Variants in ASIC2 observed in about 807,000 individuals in gnomAD.
ASIC2 encodes acid-sensing ion channel 2.
Under a neutral mutation model 57.3 loss-of-function variants are expected in ASIC2, and 25 were observed. The ratio of observed to expected loss-of-function variants is 0.44; its 90% confidence interval spans 0.32 to 0.61. The LOEUF (loss-of-function observed/expected upper bound fraction) is 0.61. Ranked by LOEUF, ASIC2 falls within the 20% of genes least tolerant of loss-of-function variation. The pLI, the probability that ASIC2 is intolerant of heterozygous loss-of-function variation, is 0.06. For synonymous variants in ASIC2, 319 were observed against 307.5 expected (o/e 1.04, Z -0.39); for missense variants, 641 against 738.1 (o/e 0.87, Z 1.52).
intron 1 of ASIC2, among the ~76,000 whole-genome samples, chr17:33,148,908 A>G (rs189627181): frequency 1.3e-5 from 2 of 152,298 alleles, no homozygotes; most frequent in Admixed American, 6.5e-5. Context: ...AGCCTGGCCA[A>G]CGTGGTGAAA....
intron 1 of ASIC2, among the ~76,000 whole-genome samples, chr17:34,064,470 A>G (rs984779202): frequency 1.3e-5 from 2 of 152,218 alleles, no homozygotes; most frequent in African/African-American, 4.8e-5. Context: ...GGCTTAGTCA[A>G]GGATTTCATG....
At chr17:33,042,764 G>A (rs2091934576) in intron 3 of ASIC2, among the ~76,000 whole-genome samples, 1 of 152,198 alleles carries the variant, frequency 6.6e-6, no homozygotes, top group African/African-American at 2.4e-5. Flanking sequence ...GCAGGGTGGA[G>A]TCCACAGGAA....
chr17:33,939,758 C>A (rs550832194), intron 1 of ASIC2, among the ~76,000 whole-genome samples: 1 of 152,188 alleles, frequency 6.6e-6, no homozygotes, highest in Admixed American at 6.5e-5. Flanking sequence ...CTGTTGCCCA[C>A]GGCAGAGCAG....
intron 1 of ASIC2, among the ~76,000 whole-genome samples, chr17:33,822,192 A>G (rs1912763515): frequency 6.6e-6 from 1 of 152,212 alleles, no homozygotes; most frequent in Admixed American, 6.5e-5. Context: ...CCTCTGAGCT[A>G]CCGTAATACC....
At chr17:34,139,499 T>C (rs931432185) in intron 1 of ASIC2, among the ~76,000 whole-genome samples, 1 of 152,218 alleles carries the variant, frequency 6.6e-6, no homozygotes, top group African/African-American at 2.4e-5. Context: ...AACTGATGAA[T>C]GGATAAATAA....
chr17:34,132,739 T>C (rs1912026754), intron 1 of ASIC2, among the ~76,000 whole-genome samples: 1 of 152,128 alleles, frequency 6.6e-6, no homozygotes, highest in African/African-American at 2.4e-5. Context: ...GCCTGCAAAA[T>C]AGGAATAACA....
At chr17:34,038,877 C>A in intron 1 of ASIC2, 1 of 1,612,608 alleles carries the variant, frequency 6.2e-7, no homozygotes, top group Non-Finnish European at 8.5e-7. Context: ...TCTATCTCTT[C>A]CCTCTGTGAA....
At chr17:33,358,534 C>T (rs770251131) in intron 1 of ASIC2, among the ~76,000 whole-genome samples, 1 of 152,088 alleles carries the variant, frequency 6.6e-6, no homozygotes, top group African/African-American at 2.4e-5. Flanking sequence ...AAGTGCTGGG[C>T]ATTGAGTTGC....
At chr17:33,851,267 G>C (rs149251089) in intron 1 of ASIC2, among the ~76,000 whole-genome samples, 1 of 152,222 alleles carries the variant, frequency 6.6e-6, no homozygotes, top group East Asian at 1.9e-4. Flanking sequence ...CCTAGGCAGA[G>C]GGTCCCTAGT....
At chr17:33,330,726 G>GTTCT (rs981010709) in intron 1 of ASIC2, among the ~76,000 whole-genome samples, 18 of 152,150 alleles carry the variant, frequency 1.2e-4, no homozygotes, top group African/African-American at 4.1e-4. Context: ...TGCACTGTCA[G>GTTCT]TTCTTTCTTT....
chr17:33,212,148 G>A (rs902871072), intron 1 of ASIC2, among the ~76,000 whole-genome samples: 4 of 152,186 alleles, frequency 2.6e-5, no homozygotes, highest in Non-Finnish European at 1.5e-5. Flanking sequence ...ATAACTGTCT[G>A]CACAGATATC....
intron 1 of ASIC2, among the ~76,000 whole-genome samples, chr17:33,732,522 TA>T (rs1909775712): frequency 6.9e-6 from 1 of 145,356 alleles, no homozygotes; most frequent in Non-Finnish European, 1.5e-5. Context: ...TTTTTTTTTT[TA>T]AGACGTAATC....
At chr17:33,189,655 C>T (rs1010536036) in intron 1 of ASIC2, among the ~76,000 whole-genome samples, 2 of 151,866 alleles carry the variant, frequency 1.3e-5, no homozygotes, top group East Asian at 1.9e-4. Context: ...TAATATCAGA[C>T]GAAGTAGATT....
chr17:33,514,020 G>A (rs965755969), intron 1 of ASIC2, among the ~76,000 whole-genome samples: 2 of 152,178 alleles, frequency 1.3e-5, no homozygotes, highest in Non-Finnish European at 2.9e-5. Flanking sequence ...ACTGCTGGGG[G>A]CATGACACAT....
intron 1 of ASIC2, among the ~76,000 whole-genome samples, chr17:33,862,706 C>G (rs1199828826): frequency 1.3e-5 from 2 of 152,158 alleles, no homozygotes; most frequent in Non-Finnish European, 2.9e-5. Context: ...CAAAGATGTT[C>G]CTTGAGTTTC....
intron 1 of ASIC2, among the ~76,000 whole-genome samples, chr17:33,152,103 A>T (rs1308950516): frequency 6.6e-6 from 1 of 152,216 alleles, no homozygotes; most frequent in African/African-American, 2.4e-5. Context: ...ATTAGTACTG[A>T]AAACAATCCT....
chr17:33,164,574 ACG>A (rs199521350), intron 1 of ASIC2, among the ~76,000 whole-genome samples: 2 of 79,038 alleles, frequency 2.5e-5, no homozygotes, highest in African/African-American at 1.0e-4. Flanking sequence ...AAGCACATGC[ACG>A]CACACACACA....
At chr17:33,567,643 C>T (rs997752320) in intron 1 of ASIC2, among the ~76,000 whole-genome samples, 3 of 151,852 alleles carry the variant, frequency 2.0e-5, no homozygotes, top group African/African-American at 4.8e-5. Context: ...ACAGGCTGGT[C>T]GTGGAAAGGG....
At chr17:33,078,406 A>G (rs1367822218) in intron 3 of ASIC2, among the ~76,000 whole-genome samples, 2 of 152,216 alleles carry the variant, frequency 1.3e-5, no homozygotes, top group Non-Finnish European at 2.9e-5. Context: ...CCTAGTGTTC[A>G]AAGAGTATTT....
Sources: gnomAD v4.1 joint callset for allele counts (sites outside exome capture counted in the v4.1 genomes callset) on GRCh38, gnomAD v4.1.1 for gene constraint, MANE v1.5 for transcripts, NCBI Gene and HGNC (gene_info 2026-07-23, HGNC 2026-07-21) for gene names.